OTOP2: variants seen among roughly 807,000 people sequenced by gnomAD.
OTOP2 encodes otopetrin 2.
A neutral mutation model predicts 47.4 loss-of-function variants in OTOP2; 41 were observed. That is an observed-to-expected ratio of 0.87 (90% CI 0.67 to 1.12). OTOP2 has a LOEUF of 1.12. Ranked by LOEUF, OTOP2 falls within the 50% of genes most tolerant of loss-of-function variation. The probability of loss-of-function intolerance (pLI) is 0.00; values close to 1 mark genes in which losing one functional copy is unlikely to be tolerated. For missense variants in OTOP2, 721 were observed against 752.2 expected (o/e 0.96, Z 0.49); for synonymous variants, 328 against 319.6 (o/e 1.03, Z -0.28).
chr17:74,930,549 C>A lies in OTOP2; in HGVS notation c.914C>A (p.Ala305Asp), dbSNP rs757221872. Residue 305 changes from alanine (A) to aspartate (D), a missense_variant, in exon 6 of 7, where the codon GCT becomes GAT. Coordinates refer to ENST00000331427, the MANE Select transcript of OTOP2 (RefSeq NM_178160.3). The surrounding 1 kb of genome is among the most constrained non-coding windows in gnomAD (Gnocchi z 4.0). ...LGLLLFVVGLAVFIIYEVQVS... is the reference protein window; with the variant it reads ...LGLLLFVVGLDVFIIYEVQVS... ...CTGCTGCTCTTCGTGGTGGGGCTGG[C>A]TGTCTTCATCATCTACGAGGTTCAA... is the stretch of plus-strand genomic sequence containing the variant. 6.2e-7 allele frequency: 1 copy of A among 1,613,328 alleles called. No individual in the cohort carries two copies. Among genetic ancestry groups the A allele is most frequent in the South Asian group, 1.1e-5 (1 of 91,072 alleles).
chr17:74,929,274 T>A (rs1241213320), intron 5 of OTOP2, among the ~76,000 whole-genome samples: 5 of 151,878 alleles, frequency 3.3e-5, no homozygotes, highest in Admixed American at 6.6e-5. Flanking sequence ...CTGAATCAGA[T>A]GGTAGGGAGA....
chr17:74,930,434 A>G lies in OTOP2; in HGVS notation c.799A>G (p.Arg267Gly). 1 of 1,614,200 alleles carries G rather than the reference A, an allele frequency of 6.2e-7. No individual in the cohort carries two copies. Among genetic ancestry groups the G allele is most frequent in the South Asian group, 1.1e-5 (1 of 91,084 alleles). Residue 267 changes from arginine to glycine, a missense_variant, in exon 6 of 7, where the codon AGA becomes GGA. Arg to Gly is a moderately radical substitution (Grantham distance 125, BLOSUM62 -2). Coordinates refer to ENST00000331427, the MANE Select transcript of OTOP2 (RefSeq NM_178160.3). This position sits in a 1 kb window ranked among gnomAD's most constrained non-coding sequence, Gnocchi z 4.0. ...MLYVMWKNVG[R>G]FLASTPGHSH... ...GTATGTCATGTGGAAGAATGTGGGT[A>G]GATTCCTGGCCTCCACCCCTGGCCA...
At position 74,924,685 on chromosome 17, in the gene OTOP2, C is replaced by A. The variant is rs1052105417; in HGVS notation, c.53C>A (p.Ala18Glu). 1.9e-6 allele frequency: 3 copies of A among 1,597,608 alleles called. No individual in the cohort carries two copies. Among genetic ancestry groups the A allele is most frequent in the Non-Finnish European group, 2.6e-6 (3 of 1,174,322 alleles). ...GPKESPPAPR[A>E]GPREVWKKGG... ...AAGGAGAGCCCCCCGGCGCCGCGTGCGGGCCCCAGGGAGGTGTGGAAGAAG... is the reference window on the plus strand; with the variant it reads ...AAGGAGAGCCCCCCGGCGCCGCGTGAGGGCCCCAGGGAGGTGTGGAAGAAG... Residue 18 changes from alanine to glutamate, a missense_variant, in exon 2 of 7, where the codon GCG becomes GAG. Transcript: ENST00000331427. The surrounding 1 kb of genome is among the most constrained non-coding windows in gnomAD (Gnocchi z 7.7).
chr17:74,925,757 A>C, intron 3 of OTOP2, 65 bp downstream of exon 3: 1 of 1,602,210 alleles, frequency 6.2e-7, no homozygotes, highest in South Asian at 1.1e-5. Context: ...GAAGGACCCA[A>C]CAAGGGGTCG....
In OTOP2 at chr17:74,927,732, G is replaced by A. The variant is rs764364041; in HGVS notation, c.577G>A (p.Val193Met). The change falls in exon 5 of 7, where the codon GTG (valine) becomes ATG (methionine). Residue 193 changes from valine (V) to methionine (M), a missense_variant. Coordinates refer to ENST00000331427, the MANE Select transcript of OTOP2 (RefSeq NM_178160.3). ...IWMAAVVDES[V>M]HQSHSYSSSH... ...GATGGCGGCCGTGGTGGATGAATCTGTGCACCAATCCCACTCCTACAGCAG... is the reference window on the plus strand; with the variant it reads ...GATGGCGGCCGTGGTGGATGAATCTATGCACCAATCCCACTCCTACAGCAG... 50 of 1,614,036 alleles carry A rather than the reference G, an allele frequency of 3.1e-5. No individual in the cohort carries two copies. Among genetic ancestry groups the A allele is most frequent in the Non-Finnish European group, 4.2e-5 (50 of 1,180,022 alleles).
At chr17:74,928,912 T>C (rs1048814566) in intron 5 of OTOP2, among the ~76,000 whole-genome samples, 2 of 152,094 alleles carry the variant, frequency 1.3e-5, no homozygotes, top group African/African-American at 4.8e-5. Flanking sequence ...AGAACCACCC[T>C]GCACAGAGAG....
At position 74,933,765 on chromosome 17, in the gene OTOP2, C is replaced by T. The variant is rs2039081095; in HGVS notation, c.*220C>T. ...AGTATGACCGTGGGGCATGAGGTGA[C>T]TGGGGAAGGGAGACCTCTCCTGGCA... On this transcript the variant is annotated 3_prime_UTR_variant, in exon 7 of 7. Transcript: ENST00000331427. The surrounding 1 kb of genome is among the most constrained non-coding windows in gnomAD (Gnocchi z 4.7). 8.2e-6 allele frequency: 4 copies of T among 489,972 alleles called. No individual in the cohort carries two copies. Among genetic ancestry groups the T allele is most frequent in the East Asian group, 6.3e-5 (2 of 31,830 alleles). The allele number at this position is 489,972 out of a possible 1,614,324, so 30.4% of individuals were successfully genotyped here.
At chr17:74,926,609 T>A (rs758078963) in intron 3 of OTOP2, among the ~76,000 whole-genome samples, 6 of 151,672 alleles carry the variant, frequency 4.0e-5, no homozygotes, top group Non-Finnish European at 5.9e-5. Context: ...GACCCCCATC[T>A]CCACACAAAG....
At chr17:74,926,453 G>A (rs532259748) in intron 3 of OTOP2, among the ~76,000 whole-genome samples, 4 of 152,112 alleles carry the variant, frequency 2.6e-5, no homozygotes, top group Admixed American at 6.5e-5. Flanking sequence ...GGCCTGGTAC[G>A]GTGACAGAGG....
intron 4 of OTOP2, 145 bp from the exon 5 acceptor site, chr17:74,927,520 C>T (rs190601911): frequency 8.1e-7 from 1 of 1,233,646 alleles, no homozygotes; most frequent in Non-Finnish European, 1.1e-6. Flanking sequence ...GGCATACCAG[C>T]CAGGCTGTGT....
In OTOP2 at chr17:74,933,298, G is replaced by A. The variant is rs117913076; in HGVS notation, c.1519-77G>A. On this transcript the variant is annotated intron_variant, in intron 6 of 6. Coordinates refer to ENST00000331427, the MANE Select transcript of OTOP2 (RefSeq NM_178160.3). The surrounding 1 kb of genome is among the most constrained non-coding windows in gnomAD (Gnocchi z 4.7). ...GAAGGATGGGCCGCCATCTAGCCAC[G>A]GCCCAGCAAAACCCACAGAAATGAC... 1,117 of 1,514,266 alleles carry A rather than the reference G, an allele frequency of 7.4e-4. 25 individuals are homozygous for A. The East Asian group carries it at 0.023, about 31-fold the overall frequency. 93.8% of individuals were successfully genotyped at this position (1,514,266 alleles called of 1,614,324 possible).
chr17:74,928,076 C>T (rs1567944511), intron 5 of OTOP2: 1 of 417,852 alleles, frequency 2.4e-6, no homozygotes, highest in Non-Finnish European at 4.3e-6. Flanking sequence ...GGTGCAGTGG[C>T]TCATGCTTGT....
chr17:74,927,881 GC>G, intron 5 of OTOP2, 83 bp downstream of exon 5: 1 of 1,509,140 alleles, frequency 6.6e-7, no homozygotes, highest in East Asian at 2.4e-5. Context: ...AGTCTCCTGT[GC>G]CCTCATGAGG....
At position 74,924,418 on chromosome 17, in the gene OTOP2, C is replaced by A; in HGVS notation, c.-34+85C>A. On this transcript the variant is annotated intron_variant, in intron 1 of 6. Coordinates refer to ENST00000331427, the MANE Select transcript of OTOP2 (RefSeq NM_178160.3). This position sits in a 1 kb window ranked among gnomAD's most constrained non-coding sequence, Gnocchi z 7.7. Reference sequence around the variant, plus strand: ...AACCGGGTGCTGCCGCTTCTCCTTTCTTCCCATCCAGCGAGAGGGGCAGGT... The same window carrying A: ...AACCGGGTGCTGCCGCTTCTCCTTTATTCCCATCCAGCGAGAGGGGCAGGT... 1.7e-6 allele frequency: 1 copy of A among 572,066 alleles called. No individual in the cohort carries two copies. The highest frequency in any genetic ancestry group is 3.0e-6 in the Non-Finnish European group (1 of 336,202). 35.4% of individuals were successfully genotyped at this position (572,066 alleles called of 1,614,324 possible).
rs750309108 is a variant in OTOP2 at position 74,931,097 on chromosome 17, T to A, written c.1462T>A (p.Trp488Arg). The A allele has an allele frequency of 6.2e-7, 1 of 1,613,464 alleles. No individual in the cohort carries two copies. Among genetic ancestry groups the A allele is most frequent in the Non-Finnish European group, 8.5e-7 (1 of 1,179,662 alleles). ...CATCGTCTCAACCCCCAGAAGCCAG[T>A]GGAGACGCCAGTGCCTAAAAGACAT... ...VAIVSTPRSQWRRQCLKDISL... is the reference protein window; with the variant it reads ...VAIVSTPRSQRRRQCLKDISL... Residue 488 changes from tryptophan (W) to arginine (R), a missense_variant, in exon 6 of 7, where the codon TGG becomes AGG. Trp to Arg is a moderately radical substitution (Grantham distance 101). Coordinates refer to ENST00000331427, the MANE Select transcript of OTOP2 (RefSeq NM_178160.3).
chr17:74,931,104 G>T lies in OTOP2; in HGVS notation c.1469G>T (p.Arg490Leu), dbSNP rs148281493. 24 of 1,612,726 alleles carry T rather than the reference G, an allele frequency of 1.5e-5. No homozygotes were observed. Among genetic ancestry groups the T allele is most frequent in the Non-Finnish European group, 2.0e-5 (23 of 1,179,270 alleles). The change falls in exon 6 of 7, where the codon CGC becomes CTC. Residue 490 changes from arginine to leucine, a missense_variant. Arg to Leu is a moderately radical substitution (Grantham distance 102). Coordinates refer to ENST00000331427, the MANE Select transcript of OTOP2 (RefSeq NM_178160.3). The stretch of plus-strand genomic sequence containing the variant: ...TCAACCCCCAGAAGCCAGTGGAGAC[G>T]CCAGTGCCTAAAAGACATTTCTCTG... The part of the protein sequence containing the change: ...IVSTPRSQWR[R>L]QCLKDISLFL...
rs779584308 is a variant in OTOP2, at chr17:74,930,869, G to A, written c.1234G>A (p.Ala412Thr). The A allele has an allele frequency of 3.1e-5, 50 of 1,613,834 alleles. No individual in the cohort carries two copies. The highest frequency in any genetic ancestry group is 1.6e-4 in the Middle Eastern group (1 of 6,084). Residue 412 changes from alanine to threonine, a missense_variant, in exon 6 of 7, where the codon GCC (alanine) becomes ACC (threonine). By Grantham distance (58) the Ala-to-Thr change is moderately conservative. Coordinates refer to ENST00000331427, the MANE Select transcript of OTOP2 (RefSeq NM_178160.3). This position sits in a 1 kb window ranked among gnomAD's most constrained non-coding sequence, Gnocchi z 4.0. Reference sequence around the variant, plus strand: ...CCTCACCCATGCACTGCTCATGATCGCCCAGCACACCTTCCAGAACATGTT... The same window carrying A: ...CCTCACCCATGCACTGCTCATGATCACCCAGCACACCTTCCAGAACATGTT... ...LNLTHALLMI[A>T]QHTFQNMFII...
Position 74,930,852 on chromosome 17 carries a change from A to G in OTOP2, c.1217A>G (p.His406Arg). 6.2e-7 allele frequency: 1 copy of G among 1,613,938 alleles called. No individual in the cohort carries two copies. ...CTGCTGGCAGGGCTCAACCTCACCCATGCACTGCTCATGATCGCCCAGCAC... is the reference window on the plus strand; with the variant it reads ...CTGCTGGCAGGGCTCAACCTCACCCGTGCACTGCTCATGATCGCCCAGCAC... Reference protein sequence around the residue: ...QDLLAGLNLTHALLMIAQHTF... With the variant: ...QDLLAGLNLTRALLMIAQHTF... The change falls in exon 6 of 7, where the codon CAT (histidine) becomes CGT (arginine). Residue 406 changes from histidine to arginine, a missense_variant. His to Arg is a conservative substitution (Grantham distance 29). Transcript: ENST00000331427. The surrounding 1 kb of genome is among the most constrained non-coding windows in gnomAD (Gnocchi z 4.0).
intron 5 of OTOP2, 196 bp downstream of exon 5, chr17:74,927,994 C>T: frequency 2.8e-6 from 2 of 718,424 alleles, no homozygotes; most frequent in South Asian, 4.2e-5. Context: ...CAGGGGTACC[C>T]TTTTATCCTT....
Sources: gnomAD v4.1 joint callset for allele counts (sites outside exome capture counted in the v4.1 genomes callset) on GRCh38, gnomAD v4.1.1 for gene constraint, Gnocchi (gnomAD v3.1) non-coding constraint, MANE v1.5 for transcripts, NCBI Gene and HGNC (gene_info 2026-07-23, HGNC 2026-07-21) for gene names.